Variants in GPC5 observed in about 807,000 individuals in gnomAD.
GPC5 encodes the protein glypican 5.
A neutral mutation model predicts 53.9 loss-of-function variants in GPC5; 47 were observed. That is an observed-to-expected ratio of 0.87 (90% CI 0.69 to 1.11). The LOEUF is 1.11. Ranked by LOEUF, GPC5 falls within the 50% of genes most tolerant of loss-of-function variation. GPC5 has a pLI of 0.00. For missense variants in GPC5, 748 were observed against 713.1 expected (o/e 1.05, Z -0.56); for synonymous variants, 286 against 263.3 (o/e 1.09, Z -0.84).
intron 7 of GPC5, among the ~76,000 whole-genome samples, chr13:92,425,242 A>G (rs1876779873): frequency 6.6e-6 from 1 of 152,068 alleles, no homozygotes. Context: ...ATTTTGGTAA[A>G]TTGTGATAGG....
intron 1 of GPC5, among the ~76,000 whole-genome samples, chr13:91,423,402 G>T (rs916389170): frequency 1.3e-5 from 2 of 152,190 alleles, no homozygotes; most frequent in Non-Finnish European, 2.9e-5. Context: ...AAGGAAAATA[G>T]GTTATTAAAT....
rs149450440 is a variant in GPC5 at position 92,602,233 on chromosome 13, C to CATATATATATATATATAT, written c.1562-264036_1562-264019dup. On this transcript the variant is annotated intron_variant, in intron 7 of 7. Transcript: ENST00000377067. ...TACATATATATAAATATATATATAA[C>CATATATATATATATATAT]ATATATATATATATATATATATATA... Among the ~76,000 whole-genome samples, 119 of 119,464 alleles carry CATATATATATATATATAT rather than the reference C, an allele frequency of 1.0e-3. 1 individual carries two copies. Among genetic ancestry groups the CATATATATATATATATAT allele is most frequent in the Admixed American group, 1.5e-3 (17 of 11,276 alleles). 78.4% of individuals were successfully genotyped at this position (119,464 alleles called of 152,430 possible).
intron 7 of GPC5, among the ~76,000 whole-genome samples, chr13:92,588,138 A>G (rs746931488): frequency 2.0e-5 from 3 of 151,842 alleles, no homozygotes; most frequent in African/African-American, 4.8e-5. Context: ...ATGTGTTCTC[A>G]TTGTTCAACT....
At chr13:91,548,697 T>C (rs556483878) in intron 2 of GPC5, among the ~76,000 whole-genome samples, 2 of 152,282 alleles carry the variant, frequency 1.3e-5, no homozygotes, top group Admixed American at 1.3e-4. Context: ...CTACCTGACC[T>C]CAAGACTTTC....
intron 2 of GPC5, among the ~76,000 whole-genome samples, chr13:91,600,106 G>A (rs538865387): frequency 5.9e-5 from 9 of 152,114 alleles, no homozygotes; most frequent in African/African-American, 2.2e-4. Context: ...TATTTTTAGA[G>A]GAGACGGGGT....
chr13:92,091,722 C>G (rs2041382219), intron 6 of GPC5, among the ~76,000 whole-genome samples: 2 of 150,614 alleles, frequency 1.3e-5, no homozygotes, highest in African/African-American at 2.4e-5. Context: ...TTCAAAAGTT[C>G]CCAATGCACA....
intron 7 of GPC5, among the ~76,000 whole-genome samples, chr13:92,154,063 G>A (rs2041925797): frequency 6.6e-6 from 1 of 152,198 alleles, no homozygotes; most frequent in Non-Finnish European, 1.5e-5. Flanking sequence ...GCAAACATCT[G>A]CTTAGCTCCT....
intron 2 of GPC5, among the ~76,000 whole-genome samples, chr13:91,543,827 G>T (rs1166863147): frequency 6.6e-6 from 1 of 152,114 alleles, no homozygotes; most frequent in African/African-American, 2.4e-5. Context: ...TTACTATAGA[G>T]CCTATATTTT....
intron 7 of GPC5, among the ~76,000 whole-genome samples, chr13:92,305,958 C>G (rs2043108122): frequency 6.6e-6 from 1 of 152,104 alleles, no homozygotes; most frequent in African/African-American, 2.4e-5. Context: ...AAGAAGAATT[C>G]TTTAAAAGGA....
Position 92,654,441 on chromosome 13 carries a change from T to C in GPC5, c.1562-211841T>C, listed in dbSNP as rs368680597. Among the ~76,000 whole-genome samples, 9 of 152,280 alleles carry C rather than the reference T, an allele frequency of 5.9e-5. No homozygotes were observed. In the South Asian group the frequency reaches 1.9e-3, roughly 32 times the overall value. On this transcript the variant is annotated intron_variant, in intron 7 of 7. Transcript: ENST00000377067. The stretch of plus-strand genomic sequence containing the variant: ...AGGCATATTTTATTAGTATTTACCA[T>C]TACTGTTAAGGAAAGGCTTAACTAG...
At chr13:92,280,943 G>A (rs1209221985) in intron 7 of GPC5, among the ~76,000 whole-genome samples, 6 of 152,198 alleles carry the variant, frequency 3.9e-5, no homozygotes, top group African/African-American at 2.4e-5. Flanking sequence ...CCAAAGCAGG[G>A]CAAGGCATCG....
intron 7 of GPC5, among the ~76,000 whole-genome samples, chr13:92,249,754 T>C (rs568411596): frequency 1.3e-5 from 2 of 152,130 alleles, no homozygotes; most frequent in Admixed American, 6.6e-5. Context: ...GAATCTATGT[T>C]GGTTGTTTAA....
At chr13:92,265,643 A>G (rs748854369) in intron 7 of GPC5, among the ~76,000 whole-genome samples, 59 of 152,126 alleles carry the variant, frequency 3.9e-4, no homozygotes, top group Non-Finnish European at 8.1e-4. Context: ...TGCCTCATTC[A>G]TGGAAATAGA....
Position 91,516,927 on chromosome 13 carries a change from G to T in GPC5, c.325+68005G>T, listed in dbSNP as rs111513167. 7.4e-3 allele frequency among the ~76,000 whole-genome samples: 1,127 copies of T among 152,228 alleles called. 15 individuals are homozygous for T. The highest frequency in any genetic ancestry group is 0.025 in the African/African-American group (1,019 of 41,540). ...AAAGCCACAGCCCGAGCTGTACGTT[G>T]TCCCCTTTCAGCCACAACTGGAGCA... On this transcript the variant is annotated intron_variant, in intron 2 of 7. Transcript: ENST00000377067.
At chr13:92,025,332 C>T (rs2040792286) in intron 6 of GPC5, among the ~76,000 whole-genome samples, 1 of 152,156 alleles carries the variant, frequency 6.6e-6, no homozygotes, top group Non-Finnish European at 1.5e-5. Context: ...TCTTCCACCC[C>T]TGATCTCTCC....
rs757294831 is a variant in GPC5, at chr13:91,448,841, C to T, written c.244C>T (p.Arg82Cys). ...KMEERYQIAA[R>C]QDMQQFLQTS... ...GGAGGAGAGATATCAGATTGCGGCT[C>T]GCCAGGATATGCAGCAGTTTCTTCA... Residue 82 changes from arginine (R) to cysteine (C), a missense_variant, in exon 2 of 8, where the codon CGC (arginine) becomes TGC (cysteine). Transcript: ENST00000377067. 1.1e-5 allele frequency: 17 copies of T among 1,613,550 alleles called. No homozygotes were observed. The highest frequency in any genetic ancestry group is 1.6e-4 in the Middle Eastern group (1 of 6,074).
chr13:91,775,471 GC>G (rs1199193332), intron 5 of GPC5, among the ~76,000 whole-genome samples: 1 of 152,062 alleles, frequency 6.6e-6, no homozygotes, highest in East Asian at 1.9e-4. Flanking sequence ...AATCAACAAT[GC>G]AATTTTTTTG....
chr13:91,745,369 G>C, intron 4 of GPC5, among the ~76,000 whole-genome samples: 1 of 152,068 alleles, frequency 6.6e-6, no homozygotes, highest in East Asian at 1.9e-4. Flanking sequence ...CTCAAGGCTA[G>C]AATCAAATTA....
chr13:92,499,870 C>T lies in GPC5; in HGVS notation c.1561+354881C>T, dbSNP rs578242463. ...TCAGCTTTGACTCAATTTTTACCTA[C>T]ATGCAACTATGAATCAAACTTTATC... On this transcript the variant is annotated intron_variant, in intron 7 of 7. Transcript: ENST00000377067. Among the ~76,000 whole-genome samples the T allele has an allele frequency of 4.6e-5, 7 of 152,250 alleles. No homozygotes were observed. In the South Asian group the frequency reaches 1.4e-3, roughly 32 times the overall value.
Sources: allele counts gnomAD v4.1 joint callset (sites outside exome capture counted in the v4.1 genomes callset), GRCh38; gene constraint gnomAD v4.1.1; transcripts MANE v1.5; gene names NCBI Gene and HGNC (gene_info 2026-07-23, HGNC 2026-07-21).